Variants in B3GALT6 observed in about 807,000 individuals in gnomAD.
The protein encoded by B3GALT6 is beta-1,3-galactosyltransferase 6.
B3GALT6 carries 27 observed loss-of-function variants against 23.3 expected under a neutral mutation model. The observed-to-expected ratio is 1.16, with a 90% CI of 0.85 to 1.60. The LOEUF is 1.60. Among genes scored for constraint, B3GALT6 ranks in the 40% most tolerant of loss-of-function variants. B3GALT6 has a pLI of 0.00. For missense variants in B3GALT6, 554 were observed against 471.1 expected (o/e 1.18, Z -1.63); for synonymous variants, 313 against 232.3 (o/e 1.35, Z -3.16).
chr1:1,233,425 G>A lies in B3GALT6; in HGVS notation c.*157G>A, dbSNP rs1242265258. The stretch of plus-strand genomic sequence containing the variant: ...GTCTGCGTTTGGGAGACCCCTGGGG[G>A]TTGCCGGGGCAGCGCGCCGTGTCCA... On this transcript the variant is annotated 3_prime_UTR_variant, in exon 1 of 1. Transcript: ENST00000379198. The A allele has an allele frequency of 2.6e-5, 27 of 1,029,174 alleles. No homozygotes were observed. Among genetic ancestry groups the A allele is most frequent in the South Asian group, 4.9e-5 (2 of 41,154 alleles). The allele number at this position is 1,029,174 out of a possible 1,614,324, so 63.8% of individuals were successfully genotyped here. A position where few individuals can be genotyped will look rare whatever the true frequency, so the allele number is the denominator to read the frequency against.
rs1638598288 is a variant in B3GALT6 at position 1,233,898 on chromosome 1, C to T, written c.*630C>T. 3 of 166,818 alleles carry T rather than the reference C, an allele frequency of 1.8e-5. No homozygotes were observed. The highest frequency in any genetic ancestry group is 2.1e-4 in the South Asian group (1 of 4,820). 10.3% of individuals were successfully genotyped at this position (166,818 alleles called of 1,614,324 possible). A position where few individuals can be genotyped will look rare whatever the true frequency, so the allele number is the denominator to read the frequency against. Reference sequence around the variant, plus strand: ...GTACAAGTCACTGAACCCATTGTTTCTTTCTGAAGAGACTTTCCTTTCAAG... The same window carrying T: ...GTACAAGTCACTGAACCCATTGTTTTTTTCTGAAGAGACTTTCCTTTCAAG... On this transcript the variant is annotated 3_prime_UTR_variant, in exon 1 of 1. Transcript: ENST00000379198.
chr1:1,232,785 G>C lies in B3GALT6; in HGVS notation c.507G>C (p.Glu169Asp). 1 of 1,378,012 alleles carries C rather than the reference G, an allele frequency of 7.3e-7. No individual in the cohort carries two copies. Among genetic ancestry groups the C allele is most frequent in the Non-Finnish European group, 9.3e-7 (1 of 1,069,954 alleles). 85.4% of individuals were successfully genotyped at this position (1,378,012 alleles called of 1,614,324 possible). A position where few individuals can be genotyped will look rare whatever the true frequency, so the allele number is the denominator to read the frequency against. The change falls in exon 1 of 1, where the codon GAG (glutamate) becomes GAC (aspartate). Residue 169 changes from glutamate to aspartate, a missense_variant. By Grantham distance (45) the Glu-to-Asp change is conservative (BLOSUM62 2). Coordinates refer to ENST00000379198, the MANE Select transcript of B3GALT6 (RefSeq NM_080605.4). Reference sequence around the variant, plus strand: ...CGCGGCTGGACGCGCTGCTGGCCGAGCTGCGCGCCCGCGAGCCCGCGCGCC... The same window carrying C: ...CGCGGCTGGACGCGCTGCTGGCCGACCTGCGCGCCCGCGAGCCCGCGCGCC... ...SFARLDALLA[E>D]LRAREPARRR...
rs1300018887 is a variant in B3GALT6 at position 1,234,957 on chromosome 1, C to G, written c.*1689C>G. The G allele has an allele frequency of 6.0e-6, 1 of 166,874 alleles. No homozygotes were observed. Among genetic ancestry groups the G allele is most frequent in the Non-Finnish European group, 1.5e-5 (1 of 68,128 alleles). The allele number at this position is 166,874 out of a possible 1,614,324, so 10.3% of individuals were successfully genotyped here. On this transcript the variant is annotated 3_prime_UTR_variant, in exon 1 of 1. Transcript: ENST00000379198. ...CCCCCAACAGGAAGAGTCTAAAAAT[C>G]CAGTTTGCAACCACTTCTGACCTAC... is the stretch of plus-strand genomic sequence containing the variant.
In B3GALT6 at chr1:1,234,623, C is replaced by T. The variant is rs1363279848; in HGVS notation, c.*1355C>T. 6.0e-6 allele frequency: 1 copy of T among 166,744 alleles called. No homozygotes were observed. Among genetic ancestry groups the T allele is most frequent in the Non-Finnish European group, 1.5e-5 (1 of 68,120 alleles). The allele number at this position is 166,744 out of a possible 1,614,324, so 10.3% of individuals were successfully genotyped here. On this transcript the variant is annotated 3_prime_UTR_variant, in exon 1 of 1. Coordinates refer to ENST00000379198, the MANE Select transcript of B3GALT6 (RefSeq NM_080605.4). The stretch of plus-strand genomic sequence containing the variant: ...CTCGTGAGGATCGAGGGCTGGGGAC[C>T]CCGGTGTGAGCAGGATGGGGCCCTG...
rs1638532711 is a variant in B3GALT6 at position 1,232,351 on chromosome 1, G to C, written c.73G>C (p.Ala25Pro). 4.1e-6 allele frequency: 4 copies of C among 985,416 alleles called. No individual in the cohort carries two copies. The highest frequency in any genetic ancestry group is 4.8e-6 in the Non-Finnish European group (4 of 831,362). 61.0% of individuals were successfully genotyped at this position (985,416 alleles called of 1,614,324 possible). The change falls in exon 1 of 1, where the codon GCG becomes CCG. Residue 25 changes from alanine to proline, a missense_variant. Ala to Pro is a conservative substitution (Grantham distance 27). Transcript: ENST00000379198. ...GLGTLALCGA[A>P]LLYLARCAAE... is the part of the protein sequence containing the mutation. ...GGGCACGCTGGCGCTGTGCGGGGCGGCGCTGCTCTACCTGGCGCGCTGCGC... is the reference window on the plus strand; with the variant it reads ...GGGCACGCTGGCGCTGTGCGGGGCGCCGCTGCTCTACCTGGCGCGCTGCGC...
At position 1,233,137 on chromosome 1, in the gene B3GALT6, C is replaced by T. The variant is rs766907387; in HGVS notation, c.859C>T (p.Leu287=). Reference sequence around the variant, plus strand: ...GCACAAGCAGAGCCTGGAGGACATGCTGGAGAAGCACGCGACGCTGGCGCG... The same window carrying T: ...GCACAAGCAGAGCCTGGAGGACATGTTGGAGAAGCACGCGACGCTGGCGCG... ...VTHKQSLEDM[L]EKHATLAREG... is the part of the protein sequence containing the mutation. Residue 287 remains leucine, a synonymous_variant, in exon 1 of 1, where the codon CTG becomes TTG. Transcript: ENST00000379198. The T allele has an allele frequency of 7.1e-6, 11 of 1,559,246 alleles. No homozygotes were observed. In the African/African-American group the frequency reaches 1.4e-4, roughly 19 times the overall value.
rs1403055042 is a variant in B3GALT6, at chr1:1,232,511, G to C, written c.233G>C (p.Ser78Thr). 9.0e-7 allele frequency: 1 copy of C among 1,113,390 alleles called. No homozygotes were observed. The highest frequency in any genetic ancestry group is 1.1e-6 in the Non-Finnish European group (1 of 913,602). 69.0% of individuals were successfully genotyped at this position (1,113,390 alleles called of 1,614,324 possible). ...RAAERRSVIR[S>T]TWLARRGAPG... Reference sequence around the variant, plus strand: ...GCCGAGCGCCGCAGCGTGATCCGCAGCACGTGGCTTGCGCGGCGCGGGGCC... The same window carrying C: ...GCCGAGCGCCGCAGCGTGATCCGCACCACGTGGCTTGCGCGGCGCGGGGCC... Residue 78 changes from serine (S) to threonine (T), a missense_variant, in exon 1 of 1, where the codon AGC becomes ACC. Coordinates refer to ENST00000379198, the MANE Select transcript of B3GALT6 (RefSeq NM_080605.4).
rs1193739922 is a variant in B3GALT6 at position 1,232,373 on chromosome 1, G to C, written c.95G>C (p.Cys32Ser). The change falls in exon 1 of 1, where the codon TGC becomes TCC. Residue 32 changes from cysteine to serine, a missense_variant. By Grantham distance (112) the Cys-to-Ser change is moderately radical. Transcript: ENST00000379198. ...GCGGCGCTGCTCTACCTGGCGCGCTGCGCGGCCGAGCCCGGGGACCCCAGG... is the reference window on the plus strand; with the variant it reads ...GCGGCGCTGCTCTACCTGGCGCGCTCCGCGGCCGAGCCCGGGGACCCCAGG... Reference protein sequence around the residue: ...CGAALLYLARCAAEPGDPRAM... With the variant: ...CGAALLYLARSAAEPGDPRAM... 1.0e-6 allele frequency: 1 copy of C among 986,602 alleles called. No individual in the cohort carries two copies. Among genetic ancestry groups the C allele is most frequent in the Non-Finnish European group, 1.2e-6 (1 of 832,142 alleles). 61.1% of individuals were successfully genotyped at this position (986,602 alleles called of 1,614,324 possible). A position where few individuals can be genotyped will look rare whatever the true frequency, so the allele number is the denominator to read the frequency against.
Position 1,232,430 on chromosome 1 carries a change from C to T in B3GALT6, c.152C>T (p.Ala51Val). The change falls in exon 1 of 1, where the codon GCG becomes GTG. Residue 51 changes from alanine (A) to valine (V), a missense_variant. Transcript: ENST00000379198. ...AMSGRSPPPP[A>V]PARAAAFLAV... ...TCGGGCCGCAGCCCGCCTCCCCCCG[C>T]GCCCGCGCGCGCCGCCGCCTTCCTG... The T allele has an allele frequency of 1.0e-6, 1 of 992,836 alleles. No individual in the cohort carries two copies. The highest frequency in any genetic ancestry group is 1.2e-6 in the Non-Finnish European group (1 of 836,524). 61.5% of individuals were successfully genotyped at this position (992,836 alleles called of 1,614,324 possible).
chr1:1,232,633 C>T lies in B3GALT6; in HGVS notation c.355C>T (p.Leu119=), dbSNP rs1268682773. ...GCGGGAGCAGGCGCGGCACGGGGAC[C>T]TGCTGCTGCTGCCCGCGCTGCGCGA... is the stretch of plus-strand genomic sequence containing the variant. ...LEREQARHGD[L]LLLPALRDAY... Residue 119 remains leucine, a synonymous_variant, in exon 1 of 1, where the codon CTG becomes TTG. Coordinates refer to ENST00000379198, the MANE Select transcript of B3GALT6 (RefSeq NM_080605.4). The T allele has an allele frequency of 3.2e-6, 4 of 1,266,720 alleles. No homozygotes were observed. Among genetic ancestry groups the T allele is most frequent in the Non-Finnish European group, 4.0e-6 (4 of 1,003,514 alleles). The allele number at this position is 1,266,720 out of a possible 1,614,324, so 78.5% of individuals were successfully genotyped here. A position where few individuals can be genotyped will look rare whatever the true frequency, so the allele number is the denominator to read the frequency against.
Position 1,232,637 on chromosome 1 carries a change from T to C in B3GALT6, c.359T>C (p.Leu120Pro). The C allele has an allele frequency of 7.8e-7, 1 of 1,278,082 alleles. No individual in the cohort carries two copies. The highest frequency in any genetic ancestry group is 9.9e-7 in the Non-Finnish European group (1 of 1,009,608). 79.2% of individuals were successfully genotyped at this position (1,278,082 alleles called of 1,614,324 possible). A position where few individuals can be genotyped will look rare whatever the true frequency, so the allele number is the denominator to read the frequency against. Reference protein sequence around the residue: ...EREQARHGDLLLLPALRDAYE... With the variant: ...EREQARHGDLPLLPALRDAYE... ...GAGCAGGCGCGGCACGGGGACCTGC[T>C]GCTGCTGCCCGCGCTGCGCGACGCC... The change falls in exon 1 of 1, where the codon CTG becomes CCG. Residue 120 changes from leucine to proline, a missense_variant. Leu to Pro is a moderately conservative substitution (Grantham distance 98). Transcript: ENST00000379198.
In B3GALT6 at chr1:1,232,963, C is replaced by T. The variant is rs886324675; in HGVS notation, c.685C>T (p.Arg229Cys). ...CTCGGCCGACCTGGTGCACTACCTG[C>T]GCCTCAGCCGCGACTACCTGCGCGC... is the stretch of plus-strand genomic sequence containing the variant. ...VLSADLVHYL[R>C]LSRDYLRAWH... is the part of the protein sequence containing the mutation. The change falls in exon 1 of 1, where the codon CGC becomes TGC. Residue 229 changes from arginine (R) to cysteine (C), a missense_variant. Coordinates refer to ENST00000379198, the MANE Select transcript of B3GALT6 (RefSeq NM_080605.4). 3.8e-6 allele frequency: 6 copies of T among 1,562,436 alleles called. No individual in the cohort carries two copies. The highest frequency in any genetic ancestry group is 3.6e-5 in the Admixed American group (2 of 55,460).
chr1:1,232,428 C>T lies in B3GALT6; in HGVS notation c.150C>T (p.Pro50=), dbSNP rs1570497962. Residue 50 remains proline, a synonymous_variant, in exon 1 of 1, where the codon CCC becomes CCT. Coordinates refer to ENST00000379198, the MANE Select transcript of B3GALT6 (RefSeq NM_080605.4). ...TGTCGGGCCGCAGCCCGCCTCCCCC[C>T]GCGCCCGCGCGCGCCGCCGCCTTCC... ...RAMSGRSPPP[P]APARAAAFLA... is the part of the protein sequence containing the mutation. 6 of 992,358 alleles carry T rather than the reference C, an allele frequency of 6.0e-6. No homozygotes were observed. The South Asian group carries it at 2.7e-4, about 45-fold the overall frequency. 61.5% of individuals were successfully genotyped at this position (992,358 alleles called of 1,614,324 possible). A position where few individuals can be genotyped will look rare whatever the true frequency, so the allele number is the denominator to read the frequency against.
Position 1,232,465 on chromosome 1 carries a change from G to A in B3GALT6, c.187G>A (p.Val63Met). 2.0e-6 allele frequency: 2 copies of A among 1,007,730 alleles called. No homozygotes were observed. The highest frequency in any genetic ancestry group is 2.4e-6 in the Non-Finnish European group (2 of 847,042). 62.4% of individuals were successfully genotyped at this position (1,007,730 alleles called of 1,614,324 possible). ...CGCCGCCGCCTTCCTGGCAGTGCTGGTGGCCAGCGCGCCCCGCGCCGCCGA... is the reference window on the plus strand; with the variant it reads ...CGCCGCCGCCTTCCTGGCAGTGCTGATGGCCAGCGCGCCCCGCGCCGCCGA... Reference protein sequence around the residue: ...ARAAAFLAVLVASAPRAAERR... With the variant: ...ARAAAFLAVLMASAPRAAERR... Residue 63 changes from valine (V) to methionine (M), a missense_variant, in exon 1 of 1, where the codon GTG becomes ATG. Val to Met is a conservative substitution (Grantham distance 21, BLOSUM62 1). Transcript: ENST00000379198.
At position 1,233,405 on chromosome 1, in the gene B3GALT6, C is replaced by T; in HGVS notation, c.*137C>T. 1 of 1,176,804 alleles carries T rather than the reference C, an allele frequency of 8.5e-7. No homozygotes were observed. The highest frequency in any genetic ancestry group is 1.1e-6 in the Non-Finnish European group (1 of 896,036). 72.9% of individuals were successfully genotyped at this position (1,176,804 alleles called of 1,614,324 possible). On this transcript the variant is annotated 3_prime_UTR_variant, in exon 1 of 1. Transcript: ENST00000379198. ...CTTGTGGTCGCTGCGTCCCGGTCTG[C>T]GTTTGGGAGACCCCTGGGGGTTGCC...
rs1638621340 is a variant in B3GALT6, at chr1:1,234,842, G to C, written c.*1574G>C. The C allele has an allele frequency of 6.0e-6, 1 of 166,906 alleles. No homozygotes were observed. The highest frequency in any genetic ancestry group is 2.4e-5 in the African/African-American group (1 of 41,446). The allele number at this position is 166,906 out of a possible 1,614,324, so 10.3% of individuals were successfully genotyped here. A position where few individuals can be genotyped will look rare whatever the true frequency, so the allele number is the denominator to read the frequency against. The stretch of plus-strand genomic sequence containing the variant: ...CAGTGGAGAGCGGGATTCGAACCAA[G>C]GGCTGGACTCCCACACCTCTGGCCT... On this transcript the variant is annotated 3_prime_UTR_variant, in exon 1 of 1. Transcript: ENST00000379198.
rs1455509557 is a variant in B3GALT6, at chr1:1,232,586, C to T, written c.308C>T (p.Ala103Val). The T allele has an allele frequency of 1.3e-5, 15 of 1,194,750 alleles. No homozygotes were observed. The highest frequency in any genetic ancestry group is 1.6e-5 in the Non-Finnish European group (15 of 964,328). The allele number at this position is 1,194,750 out of a possible 1,614,324, so 74.0% of individuals were successfully genotyped here. A position where few individuals can be genotyped will look rare whatever the true frequency, so the allele number is the denominator to read the frequency against. ...GCCGTGGGCACGGCCGGCCTGGGCGCCGAGGAGCGGCGCGCCCTGGAGCGG... is the reference window on the plus strand; with the variant it reads ...GCCGTGGGCACGGCCGGCCTGGGCGTCGAGGAGCGGCGCGCCCTGGAGCGG... ...RFAVGTAGLG[A>V]EERRALEREQ... Residue 103 changes from alanine (A) to valine (V), a missense_variant, in exon 1 of 1, where the codon GCC becomes GTC. Coordinates refer to ENST00000379198, the MANE Select transcript of B3GALT6 (RefSeq NM_080605.4).
Position 1,233,286 on chromosome 1 carries a change from C to A in B3GALT6, c.*18C>A. Reference sequence around the variant, plus strand: ...TCCCCTGAGCCGCCGCGGCCCGGCCCTCCGGGACACCTGCTTCACCCGGCG... The same window carrying A: ...TCCCCTGAGCCGCCGCGGCCCGGCCATCCGGGACACCTGCTTCACCCGGCG... On this transcript the variant is annotated 3_prime_UTR_variant, in exon 1 of 1. Transcript: ENST00000379198. 1 of 1,420,130 alleles carries A rather than the reference C, an allele frequency of 7.0e-7. No homozygotes were observed. Among genetic ancestry groups the A allele is most frequent in the Non-Finnish European group, 9.2e-7 (1 of 1,092,878 alleles). 88.0% of individuals were successfully genotyped at this position (1,420,130 alleles called of 1,614,324 possible).
At position 1,233,469 on chromosome 1, in the gene B3GALT6, T is replaced by G. The variant is rs1173411708; in HGVS notation, c.*201T>G. ...GTGTCCAGGTGGAGGTGCCCGTTCC[T>G]GGACCTCAGCGAGCCTGAGCCGGGC... On this transcript the variant is annotated 3_prime_UTR_variant, in exon 1 of 1. Transcript: ENST00000379198. 1.5e-6 allele frequency: 1 copy of G among 656,916 alleles called. No homozygotes were observed. The highest frequency in any genetic ancestry group is 4.4e-5 in the Admixed American group (1 of 22,854). The allele number at this position is 656,916 out of a possible 1,614,324, so 40.7% of individuals were successfully genotyped here.
Sources: gnomAD v4.1 joint callset for allele counts on GRCh38, gnomAD v4.1.1 for gene constraint, MANE v1.5 for transcripts, NCBI Gene and HGNC (gene_info 2026-07-23, HGNC 2026-07-21) for gene names.